Variants in DNAH12 observed in about 807,000 individuals in gnomAD.
DNAH12 encodes dynein axonemal heavy chain 12.
DNAH12 carries 285 observed loss-of-function variants against 371.5 expected under a neutral mutation model. That is an observed-to-expected ratio of 0.77 (90% confidence interval 0.70 to 0.85). The LOEUF (loss-of-function observed/expected upper bound fraction) is 0.85, where lower values mean the gene tolerates loss of function less well. Among genes scored for constraint, DNAH12 ranks in the 40% least tolerant of loss-of-function variants. The pLI, the probability that DNAH12 is intolerant of heterozygous loss-of-function variation, is 0.00. For synonymous variants in DNAH12, 1,200 were observed against 1,213.0 expected, an observed-to-expected ratio of 0.99 and a Z score of 0.22; for missense variants, 3,611 against 3,689.4, an observed-to-expected ratio of 0.98 and a Z score of 0.55.
upstream of DNAH12, chr3:57,549,041 G>A (rs1046350189): frequency 6.6e-6 from 1 of 151,998 alleles, no homozygotes; most frequent in African/African-American, 2.4e-5. Context: ...AAGAGAGCAG[G>A]GCCGGATGCA....
intron 70 of DNAH12, among the ~76,000 whole-genome samples, chr3:57,299,096 G>A (rs936597141): frequency 6.6e-6 from 1 of 152,174 alleles, no homozygotes; most frequent in Non-Finnish European, 1.5e-5. Context: ...GTCAAGAAGA[G>A]GCAGAGAAAG....
intron 40 of DNAH12, among the ~76,000 whole-genome samples, chr3:57,407,868 A>C (rs1242653138): frequency 6.6e-6 from 1 of 152,150 alleles, no homozygotes; most frequent in Non-Finnish European, 1.5e-5. Context: ...AAGCTGCTTA[A>C]ATTTCTTTAA....
At chr3:57,502,857 T>A (rs1256099557) in intron 9 of DNAH12, among the ~76,000 whole-genome samples, 1 of 152,060 alleles carries the variant, frequency 6.6e-6, no homozygotes, top group Non-Finnish European at 1.5e-5. Context: ...TTTTTTGTAT[T>A]TTAGTAGAGA....
chr3:57,548,863 T>C (rs1295591782), upstream of DNAH12: 4 of 152,162 alleles, frequency 2.6e-5, no homozygotes, highest in African/African-American at 9.7e-5. Flanking sequence ...GCACATAATA[T>C]TAAAACTGAA....
intron 13 of DNAH12, among the ~76,000 whole-genome samples, chr3:57,481,563 A>T (rs2066743248): frequency 6.6e-6 from 1 of 152,206 alleles, no homozygotes; most frequent in Non-Finnish European, 1.5e-5. Flanking sequence ...AGAATTGGAA[A>T]AAACTACTTT....
chr3:57,515,294 G>T (rs2068151802), intron 4 of DNAH12, among the ~76,000 whole-genome samples: 1 of 152,012 alleles, frequency 6.6e-6, no homozygotes, highest in African/African-American at 2.4e-5. Context: ...CTGATTACAG[G>T]GCTAGAATAG....
At chr3:57,411,742 A>T (rs570244141) in intron 39 of DNAH12, among the ~76,000 whole-genome samples, 2 of 152,132 alleles carry the variant, frequency 1.3e-5, no homozygotes, top group African/African-American at 2.4e-5. Context: ...TATTATGAAG[A>T]TGACAGTCCT....
chr3:57,529,091 C>T (rs989839645), intron 2 of DNAH12, among the ~76,000 whole-genome samples: 17 of 152,108 alleles, frequency 1.1e-4, no homozygotes, highest in Admixed American at 2.6e-4. Flanking sequence ...TGAGCCATCG[C>T]GCCTGGCCGA....
intron 43 of DNAH12, among the ~76,000 whole-genome samples, chr3:57,397,691 G>A (rs2063773773): frequency 6.6e-6 from 1 of 152,162 alleles, no homozygotes; most frequent in Non-Finnish European, 1.5e-5. Context: ...AGGAAATTAA[G>A]ACAGTCAAAA....
At chr3:57,440,657 T>C (rs1428659014) in intron 29 of DNAH12, among the ~76,000 whole-genome samples, 1 of 152,150 alleles carries the variant, frequency 6.6e-6, no homozygotes, top group Non-Finnish European at 1.5e-5. Flanking sequence ...AACCTGCACA[T>C]GTACCCCTTG....
At position 57,323,190 on chromosome 3, in the gene DNAH12, T is replaced by A; in HGVS notation, c.10200A>T (p.Gly3400=). 6.4e-7 allele frequency: 1 copy of A among 1,552,404 alleles called. No homozygotes were observed. The highest frequency in any genetic ancestry group is 8.7e-7 in the Non-Finnish European group (1 of 1,147,146). ...TCATTTTTGCTGCAATCGGTCCTTG[T>A]CCCTGTCCCAGTGAAATAGCTTGAA... ...NKFQAISLGQ[G]QGPIAAKMIK... Residue 3400 remains glycine, a synonymous_variant, in exon 64 of 74, where the codon GGA becomes GGT. Coordinates refer to ENST00000495027, the MANE Select transcript of DNAH12 (RefSeq NM_001366028.2).
chr3:57,512,274 A>G (rs1175639821), intron 4 of DNAH12, among the ~76,000 whole-genome samples: 1 of 152,214 alleles, frequency 6.6e-6, no homozygotes, highest in African/African-American at 2.4e-5. Context: ...TATTCCACTT[A>G]TATAAAGTAA....
In DNAH12 at chr3:57,411,576, A is replaced by T. The variant is rs1575564365; in HGVS notation, c.6020+2170T>A. 2.0e-5 allele frequency among the ~76,000 whole-genome samples: 3 copies of T among 149,622 alleles called. No individual in the cohort carries two copies. In the South Asian group the frequency reaches 6.3e-4, roughly 31 times the overall value. ...AAAAAGAAAGAAAGAAAAGTACAAC[A>T]CCATTTACATTAGCACCCACCCCCA... is the stretch of plus-strand genomic sequence containing the variant. On this transcript the variant is annotated intron_variant, in intron 39 of 73. Transcript: ENST00000495027.
chr3:57,308,333 T>C (rs955703121), intron 69 of DNAH12, among the ~76,000 whole-genome samples: 1 of 152,146 alleles, frequency 6.6e-6, no homozygotes, highest in African/African-American at 2.4e-5. Flanking sequence ...AGGCTCTTAG[T>C]ATTCAGTGAA....
chr3:57,405,625 T>C, intron 41 of DNAH12, 28 bp downstream of exon 41: 1 of 1,540,072 alleles, frequency 6.5e-7, no homozygotes, highest in Non-Finnish European at 8.8e-7. Context: ...CTGCTTTAAC[T>C]CAATATGTTC....
intron 65 of DNAH12, among the ~76,000 whole-genome samples, chr3:57,318,271 C>T (rs527804524): frequency 2.0e-5 from 3 of 152,146 alleles, no homozygotes; most frequent in South Asian, 4.2e-4. Context: ...AGTGTTCTTC[C>T]GTAAGTTTTA....
chr3:57,494,087 G>T (rs2067225115), intron 11 of DNAH12, among the ~76,000 whole-genome samples: 1 of 152,108 alleles, frequency 6.6e-6, no homozygotes, highest in African/African-American at 2.4e-5. Flanking sequence ...ACTAAAATTA[G>T]CTGGGTGTGA....
chr3:57,424,776 C>T (rs2064708488), intron 35 of DNAH12, among the ~76,000 whole-genome samples: 1 of 135,558 alleles, frequency 7.4e-6, no homozygotes, highest in Admixed American at 7.6e-5. Context: ...CAGAGTGAGA[C>T]TCTGCCCTGT....
Position 57,395,182 on chromosome 3 carries a change from A to G in DNAH12, c.6949-850T>C, listed in dbSNP as rs911227476. ...AATACAATGTCATGATGTTCCATGCATATCTCTTTTCAGTTCTATTCTCAG... is the reference window on the plus strand; with the variant it reads ...AATACAATGTCATGATGTTCCATGCGTATCTCTTTTCAGTTCTATTCTCAG... On this transcript the variant is annotated intron_variant, in intron 43 of 73. Transcript: ENST00000495027. Among the ~76,000 whole-genome samples the G allele has an allele frequency of 9.3e-4, 136 of 146,932 alleles. 3 individuals carry two copies. In the South Asian group the frequency reaches 0.028, roughly 30 times the overall value.
Sources: allele counts gnomAD v4.1 joint callset (sites outside exome capture counted in the v4.1 genomes callset), GRCh38; gene constraint gnomAD v4.1.1; transcripts MANE v1.5; gene names NCBI Gene and HGNC (gene_info 2026-07-23, HGNC 2026-07-21).